EIF4G3: variants seen among roughly 807,000 people sequenced by gnomAD.
EIF4G3 encodes the protein eIF-4-gamma 3.
In EIF4G3, 34 loss-of-function variants were observed where a neutral mutation model predicts 186.4. The ratio of observed to expected loss-of-function variants is 0.18; its 90% CI spans 0.14 to 0.24. EIF4G3 has a LOEUF of 0.24. Among genes scored for constraint, EIF4G3 ranks in the 10% least tolerant of loss-of-function variants. The pLI is 1.00. For synonymous variants in EIF4G3, 673 were observed against 679.5 expected (o/e 0.99, Z 0.15); for missense variants, 1,536 against 1,948.5 (o/e 0.79, Z 3.99).
chr1:20,932,495 T>C (rs1336285843), intron 14 of EIF4G3, among the ~76,000 whole-genome samples: 1 of 152,176 alleles, frequency 6.6e-6, no homozygotes, highest in Non-Finnish European at 1.5e-5. Flanking sequence ...CATTTCTAGC[T>C]TTTAATTTCA....
At chr1:20,958,430 C>T (rs1454232125) in intron 12 of EIF4G3, among the ~76,000 whole-genome samples, 2 of 152,132 alleles carry the variant, frequency 1.3e-5, no homozygotes, top group African/African-American at 4.8e-5. Flanking sequence ...GACAAAACCA[C>T]AGCCAATATC....
intron 7 of EIF4G3, among the ~76,000 whole-genome samples, chr1:20,983,873 A>G (rs187761561): frequency 3.9e-5 from 6 of 152,310 alleles, no homozygotes; most frequent in Non-Finnish European, 7.4e-5. Flanking sequence ...GAATCCATTA[A>G]CTTATGCAGA....
intron 14 of EIF4G3, among the ~76,000 whole-genome samples, chr1:20,915,344 G>A (rs1195891726): frequency 6.6e-6 from 1 of 151,972 alleles, no homozygotes; most frequent in Admixed American, 6.6e-5. Flanking sequence ...TATTGAAGGA[G>A]AAAACTCACT....
intron 4 of EIF4G3, among the ~76,000 whole-genome samples, chr1:21,036,840 C>T: frequency 6.6e-6 from 1 of 152,068 alleles, no homozygotes; most frequent in East Asian, 1.9e-4. Flanking sequence ...AAGATCGTGC[C>T]ACTGCACTCC....
At chr1:20,844,468 A>C (rs962807234) in intron 29 of EIF4G3, among the ~76,000 whole-genome samples, 8 of 150,398 alleles carry the variant, frequency 5.3e-5, no homozygotes, top group African/African-American at 2.0e-4. Context: ...CTGTCTGTTC[A>C]TGTCCTTTGT....
rs541386758 is a variant in EIF4G3, at chr1:20,975,392, A to C, written c.494-2293T>G. On this transcript the variant is annotated intron_variant, in intron 10 of 36. Coordinates refer to ENST00000602326, the MANE Select transcript of EIF4G3 (RefSeq NM_001391906.1). The stretch of plus-strand genomic sequence containing the variant: ...TCTTAAAAAAAACAAAAAACAAAAA[A>C]AAAAAAAACCTGGATTCTTCTCATG... 4.7e-3 allele frequency among the ~76,000 whole-genome samples: 712 copies of C among 151,874 alleles called. 6 individuals carry two copies. The highest frequency in any genetic ancestry group is 0.038 in the Middle Eastern group (11 of 292).
chr1:20,944,077 A>G (rs1000777845), intron 13 of EIF4G3, among the ~76,000 whole-genome samples: 4 of 140,576 alleles, frequency 2.8e-5, no homozygotes, highest in African/African-American at 1.1e-4. Flanking sequence ...ATATATAACA[A>G]ATATGTATTT....
chr1:21,109,149 C>T (rs1410088197), intron 2 of EIF4G3, among the ~76,000 whole-genome samples: 1 of 152,114 alleles, frequency 6.6e-6, no homozygotes. Context: ...ACCTGGCAGA[C>T]AGAGGTTGCA....
intron 4 of EIF4G3, among the ~76,000 whole-genome samples, chr1:21,027,421 G>A (rs990766140): frequency 3.3e-5 from 5 of 151,820 alleles, no homozygotes; most frequent in Non-Finnish European, 7.4e-5. Flanking sequence ...ACAAGGTCAG[G>A]AGTTCGAGAC....
intron 30 of EIF4G3, among the ~76,000 whole-genome samples, chr1:20,840,444 GT>G (rs2068204947): frequency 6.6e-6 from 1 of 152,190 alleles, no homozygotes; most frequent in Non-Finnish European, 1.5e-5. Context: ...AATAACCATG[GT>G]TTATTGAAAG....
chr1:20,817,535 A>G lies in EIF4G3; in HGVS notation c.4372T>C (p.Leu1458=). The G allele has an allele frequency of 6.3e-7, 1 of 1,576,050 alleles. No homozygotes were observed. The part of the protein sequence containing the change: ...DVHNFLLEQK[L]DFIESDSPCS... ...GGACTGTCAGACTCTATGAAGTCCA[A>G]CTTCTGAAACATAAAAGGTGGAACA... Residue 1458 remains leucine, a synonymous_variant, in exon 34 of 37, where the codon TTG becomes CTG. Coordinates refer to ENST00000602326, the MANE Select transcript of EIF4G3 (RefSeq NM_001391906.1).
chr1:20,808,077 T>G (rs2058452467), intron 36 of EIF4G3, among the ~76,000 whole-genome samples: 1 of 151,836 alleles, frequency 6.6e-6, no homozygotes, highest in African/African-American at 2.4e-5. Context: ...AGAGAAGGGA[T>G]TTCACCATGT....
At position 21,053,578 on chromosome 1, in the gene EIF4G3, G is replaced by A. The variant is rs540367452; in HGVS notation, c.-195-2584C>T. The stretch of plus-strand genomic sequence containing the variant: ...AGCCCCCCGCCCGGCCAGCCGCCCT[G>A]TCCGGGAGGGAGGTTGGGGGGTCAG... On this transcript the variant is annotated intron_variant, in intron 3 of 36. Coordinates refer to ENST00000602326, the MANE Select transcript of EIF4G3 (RefSeq NM_001391906.1). Among the ~76,000 whole-genome samples, 881 of 142,702 alleles carry A rather than the reference G, an allele frequency of 6.2e-3. 16 individuals are homozygous for A. The highest frequency in any genetic ancestry group is 0.015 in the Middle Eastern group (4 of 262). The allele number at this position is 142,702 out of a possible 152,430, so 93.6% of individuals were successfully genotyped here.
chr1:20,954,463 G>T (rs570800846), intron 12 of EIF4G3, among the ~76,000 whole-genome samples: 8 of 150,928 alleles, frequency 5.3e-5, no homozygotes, highest in African/African-American at 1.5e-4. Flanking sequence ...TTGAACTCGG[G>T]GGGTGGAGGT....
chr1:21,060,168 C>T (rs999348206), intron 3 of EIF4G3, among the ~76,000 whole-genome samples: 3 of 14,930 alleles, frequency 2.0e-4, no homozygotes, highest in Non-Finnish European at 0.017. Context: ...CCAGGCTGGT[C>T]TTAACTTCTA....
chr1:20,911,560 CAAAAAAAAAAAA>C (rs60071144), intron 14 of EIF4G3, among the ~76,000 whole-genome samples: 38 of 40,718 alleles, frequency 9.3e-4, no homozygotes, highest in African/African-American at 3.8e-3. Flanking sequence ...GACCCTGCCT[CAAAAAAAAAAAA>C]AAAAAAAAAA....
At chr1:20,974,008 C>G (rs1237753993) in intron 10 of EIF4G3, among the ~76,000 whole-genome samples, 1 of 152,136 alleles carries the variant, frequency 6.6e-6, no homozygotes, top group Non-Finnish European at 1.5e-5. Flanking sequence ...TCAAGGAAAA[C>G]TCTTTCAGTT....
chr1:21,051,053 ACAGCT>A (rs2094183920), intron 3 of EIF4G3, 59 bp from the exon 4 acceptor site: 1 of 708,164 alleles, frequency 1.4e-6, no homozygotes, highest in African/African-American at 1.8e-5. Flanking sequence ...CTTAATAAAT[ACAGCT>A]GAACTATCTG....
At chr1:20,911,556 G>A (rs1454487868) in intron 14 of EIF4G3, among the ~76,000 whole-genome samples, 2 of 73,000 alleles carry the variant, frequency 2.7e-5, no homozygotes, top group African/African-American at 1.2e-4. Flanking sequence ...CTGAGACCCT[G>A]CCTCAAAAAA....
Sources: gnomAD v4.1 joint callset for allele counts (sites outside exome capture counted in the v4.1 genomes callset) on GRCh38, gnomAD v4.1.1 for gene constraint, MANE v1.5 for transcripts, NCBI Gene and HGNC (gene_info 2026-07-23, HGNC 2026-07-21) for gene names.